The following MDGA2 variants were observed in gnomAD, a reference collection of about 807,000 sequenced individuals.
MDGA2 encodes the protein MAM domain-containing glycosylphosphatidylinositol anchor protein 2.
In MDGA2, 40 loss-of-function variants were observed where a neutral mutation model predicts 117.8. The observed-to-expected ratio is 0.34, with a 90% CI of 0.26 to 0.44. The LOEUF (loss-of-function observed/expected upper bound fraction) is 0.44, where lower values mean the gene tolerates loss of function less well. Among genes scored for constraint, MDGA2 ranks in the 20% least tolerant of loss-of-function variants. The pLI, the probability that MDGA2 is intolerant of heterozygous loss-of-function variation, is 1.00. For synonymous variants in MDGA2, 452 were observed against 439.0 expected, an observed-to-expected ratio of 1.03 and a Z score of -0.37; for missense variants, 1,123 against 1,250.6, an observed-to-expected ratio of 0.90 and a Z score of 1.54.
chr14:47,283,856 T>C (rs1888583156), intron 2 of MDGA2, among the ~76,000 whole-genome samples: 1 of 152,210 alleles, frequency 6.6e-6, no homozygotes, highest in Non-Finnish European at 1.5e-5. Context: ...GGCTGTGCTT[T>C]TGATGGGTGA....
At chr14:47,175,510 A>C (rs955532538) in intron 3 of MDGA2, among the ~76,000 whole-genome samples, 22 of 151,072 alleles carry the variant, frequency 1.5e-4, no homozygotes, top group Admixed American at 5.9e-4. Context: ...CAAATCAATA[A>C]ATGTAATCCA....
At chr14:47,600,868 C>T (rs1439024324) in intron 1 of MDGA2, among the ~76,000 whole-genome samples, 6 of 152,052 alleles carry the variant, frequency 3.9e-5, no homozygotes, top group Admixed American at 3.9e-4. Context: ...AGTAGGTTTC[C>T]CATGATTTAA....
chr14:47,135,058 A>G (rs1215736387), intron 4 of MDGA2, among the ~76,000 whole-genome samples: 2 of 152,012 alleles, frequency 1.3e-5, no homozygotes, highest in Non-Finnish European at 2.9e-5. Context: ...CTTTTCCAAC[A>G]TTCCACTGAA....
At chr14:47,605,000 C>T (rs943110769) in intron 1 of MDGA2, among the ~76,000 whole-genome samples, 16 of 150,204 alleles carry the variant, frequency 1.1e-4, no homozygotes, top group Non-Finnish European at 2.2e-4. Context: ...AACCACTAAA[C>T]TTGGTTGGGG....
intron 9 of MDGA2, among the ~76,000 whole-genome samples, chr14:46,930,529 G>A (rs1406622523): frequency 6.6e-6 from 1 of 152,050 alleles, no homozygotes; most frequent in East Asian, 1.9e-4. Context: ...GCTAAAATAA[G>A]TGCTTATTTT....
intron 1 of MDGA2, among the ~76,000 whole-genome samples, chr14:47,565,142 A>G (rs541268139): frequency 2.0e-5 from 3 of 152,178 alleles, no homozygotes; most frequent in Non-Finnish European, 4.4e-5. Context: ...GTTAAGAACC[A>G]CTGCTCTGGG....
intron 1 of MDGA2, among the ~76,000 whole-genome samples, chr14:47,568,984 T>C (rs904142091): frequency 1.3e-5 from 2 of 152,082 alleles, no homozygotes; most frequent in Non-Finnish European, 2.9e-5. Flanking sequence ...CTCAGTATGT[T>C]GCCCAGGCTG....
intron 8 of MDGA2, among the ~76,000 whole-genome samples, chr14:47,016,666 T>A (rs1468845973): frequency 6.6e-6 from 1 of 152,012 alleles, no homozygotes; most frequent in African/African-American, 2.4e-5. Context: ...GGACACAGCT[T>A]TTGGAACTGT....
At chr14:47,077,905 A>G (rs538398401) in intron 6 of MDGA2, among the ~76,000 whole-genome samples, 1 of 152,084 alleles carries the variant, frequency 6.6e-6, no homozygotes, top group African/African-American at 2.4e-5. Context: ...TATAAGATAG[A>G]GTGATGAATA....
chr14:46,947,043 CTTCT>C (rs1185065932), intron 9 of MDGA2, among the ~76,000 whole-genome samples: 1 of 152,022 alleles, frequency 6.6e-6, no homozygotes, highest in Non-Finnish European at 1.5e-5. Context: ...CTCATTCTTT[CTTCT>C]TTCTCATATT....
chr14:46,978,617 T>C (rs994487647), intron 8 of MDGA2, among the ~76,000 whole-genome samples: 1 of 152,082 alleles, frequency 6.6e-6, no homozygotes, highest in African/African-American at 2.4e-5. Flanking sequence ...ATCAAATAAC[T>C]GTAAATATGA....
intron 3 of MDGA2, 106 bp downstream of exon 3, chr14:47,217,915 A>G: frequency 1.1e-6 from 1 of 896,480 alleles, no homozygotes. Flanking sequence ...CACAGTTTTC[A>G]TTCTCAGCTA....
chr14:47,293,600 G>A (rs986463317), intron 2 of MDGA2, among the ~76,000 whole-genome samples: 3 of 152,070 alleles, frequency 2.0e-5, no homozygotes, highest in Non-Finnish European at 2.9e-5. Flanking sequence ...TAGTATCAAC[G>A]ACTCAATCAC....
At chr14:46,916,456 T>A (rs1883902412) in intron 10 of MDGA2, among the ~76,000 whole-genome samples, 2 of 152,166 alleles carry the variant, frequency 1.3e-5, no homozygotes, top group South Asian at 4.1e-4. Context: ...CATTAATGCC[T>A]TTGTTTCCTG....
At chr14:47,327,689 A>G (rs1890182827) in intron 1 of MDGA2, among the ~76,000 whole-genome samples, 1 of 152,168 alleles carries the variant, frequency 6.6e-6, no homozygotes, top group Admixed American at 6.5e-5. Context: ...TTTAACATAC[A>G]CACATGTTAT....
intron 2 of MDGA2, among the ~76,000 whole-genome samples, chr14:47,222,638 G>A (rs1296530218): frequency 1.3e-5 from 2 of 151,966 alleles, no homozygotes; most frequent in African/African-American, 4.8e-5. Context: ...TATCCACAAG[G>A]TAATTTTTTT....
chr14:46,933,811 T>C (rs201222474), intron 9 of MDGA2, among the ~76,000 whole-genome samples: 2 of 41,202 alleles, frequency 4.9e-5, no homozygotes, highest in Non-Finnish European at 1.0e-4. Flanking sequence ...TATATATATA[T>C]ATATATATAT....
At chr14:47,596,711 A>G (rs1430045025) in intron 1 of MDGA2, among the ~76,000 whole-genome samples, 1 of 152,210 alleles carries the variant, frequency 6.6e-6, no homozygotes, top group Non-Finnish European at 1.5e-5. Flanking sequence ...AATACTACCT[A>G]AACATGTAAC....
At chr14:47,224,327 A>ATATAGATATAGATATAGATATAGT (rs1484418027) in intron 2 of MDGA2, among the ~76,000 whole-genome samples, 1 of 151,342 alleles carries the variant, frequency 6.6e-6, no homozygotes, top group East Asian at 1.9e-4. Context: ...ATAGATATAG[A>ATATAGATATAGATATAGATATAGT]TATTTCCTGA....
Sources: gnomAD v4.1 joint callset for allele counts (sites outside exome capture counted in the v4.1 genomes callset) on GRCh38, gnomAD v4.1.1 for gene constraint, MANE v1.5 for transcripts, NCBI Gene and HGNC (gene_info 2026-07-23, HGNC 2026-07-21) for gene names.